ARID3A: variants seen among roughly 807,000 people sequenced by gnomAD.
The protein encoded by ARID3A is AT-rich interactive domain-containing protein 3A.
In ARID3A, 11 loss-of-function variants were observed where a neutral mutation model predicts 52.7. The observed-to-expected ratio is 0.21, with a 90% CI of 0.13 to 0.35. The LOEUF is 0.35. Among genes scored for constraint, ARID3A ranks in the 10% least tolerant of loss-of-function variants. The pLI, the probability that ARID3A is intolerant of heterozygous loss-of-function variation, is 1.00. For missense variants in ARID3A, 721 were observed against 838.5 expected, an observed-to-expected ratio of 0.86 and a Z score of 1.73; for synonymous variants, 404 against 359.4, an observed-to-expected ratio of 1.12 and a Z score of -1.40.
intron 3 of ARID3A, among the ~76,000 whole-genome samples, chr19:951,729 G>T (rs2145417541): frequency 6.6e-6 from 1 of 152,332 alleles, no homozygotes; most frequent in Non-Finnish European, 1.5e-5. Flanking sequence ...TGCTGACTCA[G>T]ATCTATTGCT....
intron 2 of ARID3A, 75 bp from the exon 3 acceptor site, chr19:932,342 GC>G (rs1312020190): frequency 4.5e-6 from 7 of 1,559,870 alleles, no homozygotes; most frequent in Non-Finnish European, 6.0e-6. Context: ...CTGAGGCTGG[GC>G]GGGGAGTGGG....
At chr19:954,934 C>T (rs1308960475) in intron 3 of ARID3A, among the ~76,000 whole-genome samples, 5 of 152,150 alleles carry the variant, frequency 3.3e-5, no homozygotes, top group South Asian at 2.1e-4. Flanking sequence ...GAGGGGAGTG[C>T]GGGCCGCTTA....
chr19:935,555 G>A (rs1438813808), intron 3 of ARID3A, among the ~76,000 whole-genome samples: 1 of 152,174 alleles, frequency 6.6e-6, no homozygotes, highest in Non-Finnish European at 1.5e-5. Flanking sequence ...CTAACTCACT[G>A]CAGCCTCGAT....
At position 957,031 on chromosome 19, in the gene ARID3A, C is replaced by T. The variant is rs570338999; in HGVS notation, c.694-3061C>T. Among the ~76,000 whole-genome samples the T allele has an allele frequency of 1.6e-3, 246 of 152,320 alleles. 1 individual carries two copies. The highest frequency in any genetic ancestry group is 5.2e-3 in the African/African-American group (216 of 41,588). On this transcript the variant is annotated intron_variant, in intron 3 of 8. Coordinates refer to ENST00000263620, the MANE Select transcript of ARID3A (RefSeq NM_005224.3). ...CCTGGTATTTGTCGCAGCTCCTCCTCGGCAAATTGGCCCCCGCCTGAACTC... is the reference window on the plus strand; with the variant it reads ...CCTGGTATTTGTCGCAGCTCCTCCTTGGCAAATTGGCCCCCGCCTGAACTC...
In ARID3A at chr19:941,818, C is replaced by G. The variant is rs2037561236; in HGVS notation, c.693+9076C>G. ...GTGTGTGTGTGTGTGTCAGGGGTGGCTGCAAGCGTATGTGTGTGTGCACGT... is the reference window on the plus strand; with the variant it reads ...GTGTGTGTGTGTGTGTCAGGGGTGGGTGCAAGCGTATGTGTGTGTGCACGT... On this transcript the variant is annotated intron_variant, in intron 3 of 8. Transcript: ENST00000263620. This position sits in a 1 kb window ranked among gnomAD's most constrained non-coding sequence, Gnocchi z 6.9. Among the ~76,000 whole-genome samples the G allele has an allele frequency of 7.1e-6, 1 of 141,120 alleles. No homozygotes were observed. The highest frequency in any genetic ancestry group is 2.3e-4 in the South Asian group (1 of 4,312). 92.6% of individuals were successfully genotyped at this position (141,120 alleles called of 152,430 possible). A position where few individuals can be genotyped will look rare whatever the true frequency, so the allele number is the denominator to read the frequency against.
At chr19:953,464 AGG>A (rs1033283180) in intron 3 of ARID3A, among the ~76,000 whole-genome samples, 1 of 147,754 alleles carries the variant, frequency 6.8e-6, no homozygotes, top group Non-Finnish European at 1.5e-5. Context: ...CCACCCCCCC[AGG>A]CCTCCCACAC....
At chr19:951,744 C>T (rs1219521663) in intron 3 of ARID3A, among the ~76,000 whole-genome samples, 1 of 152,206 alleles carries the variant, frequency 6.6e-6, no homozygotes, top group Non-Finnish European at 1.5e-5. Flanking sequence ...ATTGCTGCTG[C>T]TTCTGAGCAT....
At chr19:958,096 A>G (rs1385627251) in intron 3 of ARID3A, 1 of 150,978 alleles carries the variant, frequency 6.6e-6, no homozygotes, top group Non-Finnish European at 1.5e-5. Flanking sequence ...TGGGCGACAG[A>G]GCGAGACTCC....
rs10663796 is a variant in ARID3A, at chr19:952,441, CAAAAAAAAAA to C, written c.694-7634_694-7625del. Among the ~76,000 whole-genome samples, 10 of 59,776 alleles carry C rather than the reference CAAAAAAAAAA, an allele frequency of 1.7e-4. No homozygotes were observed. The South Asian group carries it at 2.9e-3, about 17-fold the overall frequency. The allele number at this position is 59,776 out of a possible 152,430, so 39.2% of individuals were successfully genotyped here. On this transcript the variant is annotated intron_variant, in intron 3 of 8. Transcript: ENST00000263620. ...TGGGCCACAGAGCGAGACCCTGTCT[CAAAAAAAAAA>C]AAAAAAAAAAAAAAAAGGAAAGAAA...
rs2037722444 is a variant in ARID3A at position 947,953 on chromosome 19, GGGGAGC to G, written c.694-12138_694-12133del. ...AAGGACCTCGTGGCTTAGGCAGGCG[GGGGAGC>G]CCCCCGGCTGGTCAGGTGCACGAGG... On this transcript the variant is annotated intron_variant, in intron 3 of 8. Transcript: ENST00000263620. The surrounding 1 kb of genome is among the most constrained non-coding windows in gnomAD (Gnocchi z 6.3). 6.6e-6 allele frequency among the ~76,000 whole-genome samples: 1 copy of G among 152,200 alleles called. No individual in the cohort carries two copies.
In ARID3A at chr19:929,760, C is replaced by A; in HGVS notation, c.232C>A (p.Pro78Thr). 6.4e-7 allele frequency: 1 copy of A among 1,552,682 alleles called. No individual in the cohort carries two copies. ...TGCGGGCCTGGGACACCCAGCCAGC[C>A]CCGGCGGCTCTGAGGATGGGCCCCC... is the stretch of plus-strand genomic sequence containing the variant. ...AAAGLGHPAS[P>T]GGSEDGPPGS... Residue 78 changes from proline (P) to threonine (T), a missense_variant, in exon 2 of 9, where the codon CCC (proline) becomes ACC (threonine). This residue lies in a region of ARID3A where 349 missense variants were observed against 297.3 expected (regional missense o/e 1.17). Coordinates refer to ENST00000263620, the MANE Select transcript of ARID3A (RefSeq NM_005224.3). This position sits in a 1 kb window ranked among gnomAD's most constrained non-coding sequence, Gnocchi z 6.2.
intron 7 of ARID3A, among the ~76,000 whole-genome samples, chr19:967,146 C>A (rs1318167449): frequency 6.6e-6 from 1 of 152,158 alleles, no homozygotes; most frequent in Non-Finnish European, 1.5e-5. Flanking sequence ...GTAGTCCCAG[C>A]TACTTGGGAG....
At position 929,495 on chromosome 19, in the gene ARID3A, T is replaced by C; in HGVS notation, c.-34T>C. 1 of 1,283,118 alleles carries C rather than the reference T, an allele frequency of 7.8e-7. No homozygotes were observed. The highest frequency in any genetic ancestry group is 1.0e-6 in the Non-Finnish European group (1 of 994,558). 79.5% of individuals were successfully genotyped at this position (1,283,118 alleles called of 1,614,324 possible). A position where few individuals can be genotyped will look rare whatever the true frequency, so the allele number is the denominator to read the frequency against. On this transcript the variant is annotated 5_prime_UTR_variant, in exon 2 of 9. Coordinates refer to ENST00000263620, the MANE Select transcript of ARID3A (RefSeq NM_005224.3). The surrounding 1 kb of genome is among the most constrained non-coding windows in gnomAD (Gnocchi z 6.2). ...CCCCTAGCGCCCGTGGTGGTGGTGG[T>C]GGTGGTGGTGGTGGTGGCCCGGGCC...
chr19:947,871 C>T lies in ARID3A; in HGVS notation c.694-12221C>T, dbSNP rs2037720074. Among the ~76,000 whole-genome samples, 1 of 152,204 alleles carries T rather than the reference C, an allele frequency of 6.6e-6. No homozygotes were observed. Among genetic ancestry groups the T allele is most frequent in the Non-Finnish European group, 1.5e-5 (1 of 68,038 alleles). On this transcript the variant is annotated intron_variant, in intron 3 of 8. Transcript: ENST00000263620. The surrounding 1 kb of genome is among the most constrained non-coding windows in gnomAD (Gnocchi z 6.3). ...ATCACTTCCCCAATTTCCCCACGCC[C>T]GGCGGGGCTCTCAGCATCTGCATCC...
Position 965,044 on chromosome 19 carries a change from G to A in ARID3A, c.1162G>A (p.Gly388Ser), listed in dbSNP as rs758731649. Reference sequence around the variant, plus strand: ...CCTGGGCCTGGCCGCAAGCACCAATGGCAGCTCCATCACCCCCGCCCCTAA... The same window carrying A: ...CCTGGGCCTGGCCGCAAGCACCAATAGCAGCTCCATCACCCCCGCCCCTAA... ...SSLGLAASTN[G>S]SSITPAPKIK... The change falls in exon 6 of 9, where the codon GGC (glycine) becomes AGC (serine). Residue 388 changes from glycine (G) to serine (S), a missense_variant. Physicochemically the swap from Gly to Ser is moderately conservative, Grantham distance 56. This residue lies in a region of ARID3A where 297 missense variants were observed against 343.2 expected (regional missense o/e 0.87). Transcript: ENST00000263620. 6 of 1,612,488 alleles carry A rather than the reference G, an allele frequency of 3.7e-6. No individual in the cohort carries two copies. Among genetic ancestry groups the A allele is most frequent in the South Asian group, 3.3e-5 (3 of 90,990 alleles).
chr19:973,886 G>A lies in ARID3A; in HGVS notation c.*1821G>A, dbSNP rs533308370. ...GGAGCAGAAAGGCTGGGTCTGAAAT[G>A]CCCAGCAGGGTCTGGGGACTTCGTT... is the stretch of plus-strand genomic sequence containing the variant. On this transcript the variant is annotated 3_prime_UTR_variant, in exon 9 of 9. Transcript: ENST00000263620. The A allele has an allele frequency of 2.6e-5, 6 of 230,994 alleles. No individual in the cohort carries two copies. In the South Asian group the frequency reaches 9.1e-4, roughly 35 times the overall value. The allele number at this position is 230,994 out of a possible 1,614,324, so 14.3% of individuals were successfully genotyped here. A position where few individuals can be genotyped will look rare whatever the true frequency, so the allele number is the denominator to read the frequency against.
rs1021320586 is a variant in ARID3A, at chr19:959,810, G to A, written c.694-282G>A. On this transcript the variant is annotated intron_variant, in intron 3 of 8. Transcript: ENST00000263620. This position sits in a 1 kb window ranked among gnomAD's most constrained non-coding sequence, Gnocchi z 5.0. ...GGACGCACCTTGATCTGGGGTTCCC[G>A]GGCCCCTGGACCGGGAGAGGACACT... 4.2e-4 allele frequency among the ~76,000 whole-genome samples: 64 copies of A among 152,222 alleles called. No homozygotes were observed. The highest frequency in any genetic ancestry group is 1.5e-3 in the African/African-American group (63 of 41,524).
At position 929,494 on chromosome 19, in the gene ARID3A, GT is replaced by G; in HGVS notation, c.-34del. ...ACCCCTAGCGCCCGTGGTGGTGGTG[GT>G]GGTGGTGGTGGTGGTGGCCCGGGCC... On this transcript the variant is annotated 5_prime_UTR_variant, in exon 2 of 9. Transcript: ENST00000263620. The surrounding 1 kb of genome is among the most constrained non-coding windows in gnomAD (Gnocchi z 6.2). 1 of 1,497,208 alleles carries G rather than the reference GT, an allele frequency of 6.7e-7. No homozygotes were observed. Among genetic ancestry groups the G allele is most frequent in the Non-Finnish European group, 8.8e-7 (1 of 1,129,954 alleles). 92.7% of individuals were successfully genotyped at this position (1,497,208 alleles called of 1,614,324 possible). A position where few individuals can be genotyped will look rare whatever the true frequency, so the allele number is the denominator to read the frequency against.
chr19:940,314 A>T (rs529275080), intron 3 of ARID3A, among the ~76,000 whole-genome samples: 3 of 152,102 alleles, frequency 2.0e-5, no homozygotes, highest in African/African-American at 7.2e-5. Context: ...AATTGCAAAA[A>T]AACTCTCATC....
Sources: gnomAD v4.1 joint callset for allele counts (sites outside exome capture counted in the v4.1 genomes callset) on GRCh38, gnomAD v4.1.1 for gene constraint, gnomAD v4.1.1 regional missense constraint, Gnocchi (gnomAD v3.1) non-coding constraint, MANE v1.5 for transcripts, NCBI Gene and HGNC (gene_info 2026-07-23, HGNC 2026-07-21) for gene names.